Variants in STK32B observed in about 807,000 individuals in gnomAD.
STK32B encodes the protein serine/threonine kinase 32B.
In STK32B, 43 loss-of-function variants were observed where a neutral mutation model predicts 52.6. That is an observed-to-expected ratio of 0.82 (90% CI 0.64 to 1.05). STK32B has a LOEUF of 1.05. Among genes scored for constraint, STK32B ranks in the 50% least tolerant of loss-of-function variants. STK32B has a pLI of 0.00. For synonymous variants in STK32B, 238 were observed against 204.3 expected, an observed-to-expected ratio of 1.17 and a Z score of -1.41; for missense variants, 621 against 534.6, an observed-to-expected ratio of 1.16 and a Z score of -1.59.
intron 2 of STK32B, among the ~76,000 whole-genome samples, chr4:5,155,976 T>C (rs1717796428): frequency 6.6e-6 from 1 of 152,062 alleles, no homozygotes; most frequent in Admixed American, 6.6e-5. Context: ...CATATACATA[T>C]ATACCTCTCT....
chr4:5,194,762 G>A (rs1721510881), intron 3 of STK32B, among the ~76,000 whole-genome samples: 1 of 152,146 alleles, frequency 6.6e-6, no homozygotes, highest in African/African-American at 2.4e-5. Context: ...CTTCTGAGGA[G>A]GCCTCAGGAA....
In STK32B at chr4:5,162,109, A is replaced by G. The variant is rs572790273; in HGVS notation, c.109-6190A>G. 6.6e-5 allele frequency among the ~76,000 whole-genome samples: 10 copies of G among 152,164 alleles called. No homozygotes were observed. In the South Asian group the frequency reaches 2.1e-3, roughly 32 times the overall value. On this transcript the variant is annotated intron_variant, in intron 2 of 11. Coordinates refer to ENST00000282908, the MANE Select transcript of STK32B (RefSeq NM_018401.3). ...GGCTCACTATGAAAGGATCCTCGAG[A>G]CTTTGCACCCCATAGTCCTGAGGTT...
intron 1 of STK32B, among the ~76,000 whole-genome samples, chr4:5,053,995 A>G (rs955804907): frequency 4.8e-5 from 4 of 83,382 alleles, no homozygotes; most frequent in African/African-American, 1.5e-4. Flanking sequence ...AAATAAATAA[A>G]TAAATAAATA....
chr4:5,065,023 C>A (rs1016465000), intron 1 of STK32B, among the ~76,000 whole-genome samples: 1 of 151,738 alleles, frequency 6.6e-6, no homozygotes, highest in Non-Finnish European at 1.5e-5. Flanking sequence ...CTTTGCAAGG[C>A]TGGCTTCCTG....
At chr4:5,224,778 A>G (rs1026616065) in intron 3 of STK32B, among the ~76,000 whole-genome samples, 3 of 152,220 alleles carry the variant, frequency 2.0e-5, no homozygotes, top group African/African-American at 4.8e-5. Context: ...TGTATTAATC[A>G]TATCAACTCT....
At chr4:5,459,931 A>G (rs1716896984) in intron 8 of STK32B, among the ~76,000 whole-genome samples, 172 bp from the exon 9 acceptor site, 1 of 152,138 alleles carries the variant, frequency 6.6e-6, no homozygotes, top group Non-Finnish European at 1.5e-5. Context: ...CCTGGCTATA[A>G]AGAGATGAGT....
chr4:5,056,190 C>T (rs189858857), intron 1 of STK32B, among the ~76,000 whole-genome samples: 61 of 152,246 alleles, frequency 4.0e-4, no homozygotes, highest in African/African-American at 1.3e-3. Context: ...ATCTAACTAA[C>T]GCCTGATGAT....
At chr4:5,369,886 T>TTG (rs1363993209) in intron 4 of STK32B, among the ~76,000 whole-genome samples, 3 of 151,474 alleles carry the variant, frequency 2.0e-5, no homozygotes, top group Admixed American at 1.3e-4. Flanking sequence ...GTTTGTTTGT[T>TTG]TTTTTTTGAG....
rs372357740 is a variant in STK32B, at chr4:5,467,624, C to G, written c.1042-382C>G. Among the ~76,000 whole-genome samples the G allele has an allele frequency of 2.6e-4, 39 of 152,234 alleles. 1 individual carries two copies. The South Asian group carries it at 8.1e-3, about 32-fold the overall frequency. On this transcript the variant is annotated intron_variant, in intron 10 of 11. Coordinates refer to ENST00000282908, the MANE Select transcript of STK32B (RefSeq NM_018401.3). This position sits in a 1 kb window ranked among gnomAD's most constrained non-coding sequence, Gnocchi z 5.8. ...AAGATACCTTTCAGAGGACACAATT[C>G]AACACACAACACCCCCCTCCCCTAT... is the stretch of plus-strand genomic sequence containing the variant.
intron 2 of STK32B, among the ~76,000 whole-genome samples, chr4:5,158,942 C>A (rs540914391): frequency 6.6e-6 from 1 of 152,332 alleles, no homozygotes; most frequent in East Asian, 1.9e-4. Context: ...GGACATACAG[C>A]TTAGCCCATG....
intron 3 of STK32B, among the ~76,000 whole-genome samples, chr4:5,190,339 G>C (rs1045461113): frequency 6.6e-6 from 1 of 152,136 alleles, no homozygotes; most frequent in Admixed American, 6.5e-5. Flanking sequence ...CATCTCATTC[G>C]TTCTTCACCA....
intron 3 of STK32B, among the ~76,000 whole-genome samples, chr4:5,182,686 T>G (rs921453596): frequency 6.6e-6 from 1 of 152,138 alleles, no homozygotes; most frequent in African/African-American, 2.4e-5. Context: ...CTCGAACTCC[T>G]GACCTCAGGT....
chr4:5,393,781 G>C (rs1199072976), intron 4 of STK32B, among the ~76,000 whole-genome samples: 1 of 152,066 alleles, frequency 6.6e-6, no homozygotes. Flanking sequence ...ATTTGGGCGG[G>C]AACACAGATC....
intron 4 of STK32B, chr4:5,345,588 G>A (rs1733398298): frequency 6.6e-6 from 1 of 152,180 alleles, no homozygotes; most frequent in African/African-American, 2.4e-5. Context: ...CAGGTGTTGG[G>A]TTCACCTAGT....
At chr4:5,450,332 C>G (rs946547798) in intron 7 of STK32B, among the ~76,000 whole-genome samples, 1 of 152,302 alleles carries the variant, frequency 6.6e-6, no homozygotes, top group Non-Finnish European at 1.5e-5. Flanking sequence ...TCTCCCTTCC[C>G]CTGACCATAT....
In STK32B at chr4:5,375,152, A is replaced by G. The variant is rs188786697; in HGVS notation, c.435-23055A>G. ...ACTCCAGGCGCCCAGCCTGCCATGC[A>G]CACCCTTCCGTGATCTTGCCACCCC... On this transcript the variant is annotated intron_variant, in intron 4 of 11. Coordinates refer to ENST00000282908, the MANE Select transcript of STK32B (RefSeq NM_018401.3). Among the ~76,000 whole-genome samples the G allele has an allele frequency of 4.1e-4, 63 of 152,128 alleles. No homozygotes were observed. The East Asian group carries it at 0.01, about 25-fold the overall frequency.
intron 3 of STK32B, among the ~76,000 whole-genome samples, chr4:5,170,005 T>A (rs1015432991): frequency 6.6e-6 from 1 of 152,230 alleles, no homozygotes; most frequent in Non-Finnish European, 1.5e-5. Context: ...GAGCGCTACC[T>A]CCTTGTTACT....
chr4:5,288,175 C>T (rs28694707), intron 3 of STK32B, among the ~76,000 whole-genome samples: 8,377 of 152,192 alleles, frequency 0.055, 484 homozygotes, highest in African/African-American at 0.15. Flanking sequence ...AATTGTTTCC[C>T]TATTTTGAGT....
intron 3 of STK32B, among the ~76,000 whole-genome samples, chr4:5,279,907 G>A (rs1728082030): frequency 6.6e-6 from 1 of 152,186 alleles, no homozygotes; most frequent in African/African-American, 2.4e-5. Flanking sequence ...TCCCAAGGCT[G>A]CACAAAGCAG....
Sources: allele counts gnomAD v4.1 joint callset (sites outside exome capture counted in the v4.1 genomes callset), GRCh38; gene constraint gnomAD v4.1.1; non-coding constraint Gnocchi (gnomAD v3.1); transcripts MANE v1.5; gene names NCBI Gene and HGNC (gene_info 2026-07-23, HGNC 2026-07-21).